GRID1: variants seen among roughly 807,000 people sequenced by gnomAD.
GRID1 encodes glutamate ionotropic receptor delta type subunit 1, also known as glutamate receptor ionotropic, delta-1.
GRID1 carries 28 observed loss-of-function variants against 98.0 expected under a neutral mutation model. The observed-to-expected ratio is 0.29, with a 90% CI of 0.21 to 0.39. The LOEUF (loss-of-function observed/expected upper bound fraction) is 0.39. GRID1 is among the 10% of genes least tolerant of loss of function. The pLI, the probability that GRID1 is intolerant of heterozygous loss-of-function variation, is 1.00. For missense variants in GRID1, 1,111 were observed against 1,340.5 expected, an observed-to-expected ratio of 0.83 and a Z score of 2.67; for synonymous variants, 553 against 538.5, an observed-to-expected ratio of 1.03 and a Z score of -0.37.
intron 5 of GRID1, among the ~76,000 whole-genome samples, chr10:85,908,759 C>T (rs911768928): frequency 1.2e-4 from 18 of 151,952 alleles, no homozygotes; most frequent in African/African-American, 4.4e-4. Context: ...AAGGCAGGAG[C>T]CTAACAAAAT....
chr10:86,224,557 G>A (rs185149200), intron 2 of GRID1, among the ~76,000 whole-genome samples: 3 of 152,262 alleles, frequency 2.0e-5, no homozygotes, highest in African/African-American at 7.2e-5. Context: ...AAAAATAGGG[G>A]AGACGCACTC....
At chr10:86,002,171 A>G (rs566710322) in intron 4 of GRID1, among the ~76,000 whole-genome samples, 2 of 152,326 alleles carry the variant, frequency 1.3e-5, no homozygotes, top group African/African-American at 4.8e-5. Flanking sequence ...GGTCACATTC[A>G]CAGTTACCAG....
chr10:86,056,797 C>T (rs1049829853), intron 4 of GRID1, among the ~76,000 whole-genome samples: 3 of 152,228 alleles, frequency 2.0e-5, no homozygotes, highest in African/African-American at 4.8e-5. Flanking sequence ...GTTGCCCATA[C>T]ATATGGCAGC....
chr10:85,879,232 G>A (rs1251439232), intron 5 of GRID1, among the ~76,000 whole-genome samples: 9 of 151,958 alleles, frequency 5.9e-5, no homozygotes, highest in Admixed American at 3.9e-4. Context: ...AGTCAACAAG[G>A]ATACCCAGGA....
intron 4 of GRID1, among the ~76,000 whole-genome samples, chr10:86,050,969 T>C (rs779317247): frequency 2.7e-5 from 4 of 150,848 alleles, no homozygotes; most frequent in East Asian, 1.9e-4. Context: ...ATACATATTA[T>C]TGGGAGGCTG....
rs1176406131 is a variant in GRID1 at position 86,366,045 on chromosome 10, C to T, written c.79+269G>A. On this transcript the variant is annotated intron_variant, in intron 1 of 15. Transcript: ENST00000327946. This position sits in a 1 kb window ranked among gnomAD's most constrained non-coding sequence, Gnocchi z 4.1. Reference sequence around the variant, plus strand: ...GCGCGGGTCTCGACGCGCGTCCATCCCGGTGTTCCCCGAAGCGTCGGCCCT... The same window carrying T: ...GCGCGGGTCTCGACGCGCGTCCATCTCGGTGTTCCCCGAAGCGTCGGCCCT... Among the ~76,000 whole-genome samples the T allele has an allele frequency of 1.3e-5, 2 of 152,108 alleles. No homozygotes were observed. The highest frequency in any genetic ancestry group is 2.9e-5 in the Non-Finnish European group (2 of 67,998).
At chr10:86,335,588 C>T (rs1030925252) in intron 2 of GRID1, among the ~76,000 whole-genome samples, 3 of 152,230 alleles carry the variant, frequency 2.0e-5, no homozygotes, top group Non-Finnish European at 4.4e-5. Flanking sequence ...ACATACTGCT[C>T]TATTCTTCCC....
chr10:86,278,978 A>C (rs1847315289), intron 2 of GRID1, among the ~76,000 whole-genome samples: 1 of 152,242 alleles, frequency 6.6e-6, no homozygotes, highest in Non-Finnish European at 1.5e-5. Context: ...TAATAATAAC[A>C]AACCACATGT....
Position 86,206,819 on chromosome 10 carries a change from C to T in GRID1, c.236-171G>A, listed in dbSNP as rs1408781363. 6.6e-6 allele frequency among the ~76,000 whole-genome samples: 1 copy of T among 152,224 alleles called. No homozygotes were observed. Among genetic ancestry groups the T allele is most frequent in the African/African-American group, 2.4e-5 (1 of 41,462 alleles). ...AGGCCAGTGGCTCTCATAAGCACAG[C>T]CTCACTGACATCCTTGGTGAAAATG... is the stretch of plus-strand genomic sequence containing the variant. On this transcript the variant is annotated intron_variant, in intron 2 of 15. Transcript: ENST00000327946. The surrounding 1 kb of genome is among the most constrained non-coding windows in gnomAD (Gnocchi z 4.1).
intron 12 of GRID1, among the ~76,000 whole-genome samples, chr10:85,683,254 T>A (rs139666384): frequency 7.9e-5 from 12 of 152,288 alleles, no homozygotes; most frequent in African/African-American, 2.4e-4. Flanking sequence ...AAAATGAAGA[T>A]GATTATCTCT....
intron 8 of GRID1, among the ~76,000 whole-genome samples, chr10:85,771,726 G>A (rs888485677): frequency 5.9e-5 from 9 of 152,100 alleles, no homozygotes; most frequent in Non-Finnish European, 5.9e-5. Context: ...AGACAAAGGC[G>A]GCCATTACAT....
intron 5 of GRID1, among the ~76,000 whole-genome samples, chr10:85,891,253 T>TA (rs1002505761): frequency 1.3e-5 from 2 of 152,122 alleles, no homozygotes; most frequent in Non-Finnish European, 2.9e-5. Flanking sequence ...TTTAAAATCC[T>TA]AAAAAATTAC....
intron 4 of GRID1, among the ~76,000 whole-genome samples, chr10:85,965,622 A>T (rs1387186208): frequency 6.6e-6 from 1 of 152,066 alleles, no homozygotes; most frequent in East Asian, 1.9e-4. Flanking sequence ...AACATCACAC[A>T]CCAGGGCCTG....
intron 12 of GRID1, among the ~76,000 whole-genome samples, chr10:85,716,328 G>A (rs900339584): frequency 6.6e-6 from 1 of 152,028 alleles, no homozygotes; most frequent in Non-Finnish European, 1.5e-5. Context: ...AACAAACACC[G>A]CATGTTCTCA....
intron 4 of GRID1, among the ~76,000 whole-genome samples, chr10:85,995,868 T>A (rs1291967490): frequency 6.6e-6 from 1 of 152,252 alleles, no homozygotes; most frequent in East Asian, 1.9e-4. Flanking sequence ...AAGCGGTTTA[T>A]GAAGTCCTGG....
At chr10:86,158,333 T>C (rs1845274198) in intron 3 of GRID1, among the ~76,000 whole-genome samples, 1 of 152,230 alleles carries the variant, frequency 6.6e-6, no homozygotes, top group Admixed American at 6.5e-5. Flanking sequence ...ATTACAGGGC[T>C]ATTGTGAGAA....
chr10:85,941,883 G>C (rs370149413), intron 4 of GRID1, among the ~76,000 whole-genome samples: 16 of 152,186 alleles, frequency 1.1e-4, no homozygotes, highest in African/African-American at 3.9e-4. Context: ...AGACAAATAA[G>C]AGTTTTCCCT....
intron 4 of GRID1, among the ~76,000 whole-genome samples, chr10:86,092,630 G>T (rs530959749): frequency 2.0e-5 from 3 of 152,282 alleles, no homozygotes; most frequent in Non-Finnish European, 4.4e-5. Flanking sequence ...GCAACTAAAA[G>T]AGACAAGGAG....
chr10:85,979,279 G>C (rs1025482270), intron 4 of GRID1, among the ~76,000 whole-genome samples: 2 of 152,132 alleles, frequency 1.3e-5, no homozygotes, highest in African/African-American at 4.8e-5. Context: ...CCACCAGTGG[G>C]ACCCAAGAGT....
Sources: gnomAD v4.1 joint callset for allele counts (sites outside exome capture counted in the v4.1 genomes callset) on GRCh38, gnomAD v4.1.1 for gene constraint, Gnocchi (gnomAD v3.1) non-coding constraint, MANE v1.5 for transcripts, NCBI Gene and HGNC (gene_info 2026-07-23, HGNC 2026-07-21) for gene names.